Variants in SMARCAD1 observed in about 807,000 individuals in gnomAD.
The protein encoded by SMARCAD1 is SNF2 related chromatin remodeling ATPase with DExD box 1, also known as SWI/SNF-related matrix-associated actin-dependent regulator of chromatin subfamily A containing DEAD/H box 1.
In SMARCAD1, 25 loss-of-function variants were observed where a neutral mutation model predicts 127.1. The ratio of observed to expected loss-of-function variants is 0.20; its 90% CI spans 0.14 to 0.27. The LOEUF is 0.27. Ranked by LOEUF, SMARCAD1 falls within the 10% of genes least tolerant of loss-of-function variation. The probability of loss-of-function intolerance (pLI) is 1.00; values close to 1 mark genes in which losing one functional copy is unlikely to be tolerated. For synonymous variants in SMARCAD1, 400 were observed against 396.9 expected, an observed-to-expected ratio of 1.01 and a Z score of -0.09; for missense variants, 807 against 1,206.0, an observed-to-expected ratio of 0.67 and a Z score of 4.90.
rs962447748 is a variant in SMARCAD1 at position 94,236,077 on chromosome 4, G to A, written c.538-875G>A. 2.0e-5 allele frequency among the ~76,000 whole-genome samples: 3 copies of A among 152,070 alleles called. No homozygotes were observed. The East Asian group carries it at 5.8e-4, about 29-fold the overall frequency. On this transcript the variant is annotated intron_variant, in intron 4 of 23. Coordinates refer to ENST00000354268, the MANE Select transcript of SMARCAD1 (RefSeq NM_020159.5). The stretch of plus-strand genomic sequence containing the variant: ...CATGTAAAAGAATTCAAGAGGTTGT[G>A]AAATAGTTCTAAGCTTGCTAAGAAT...
At chr4:94,211,528 G>T (rs545357074) in intron 2 of SMARCAD1, among the ~76,000 whole-genome samples, 1 of 152,314 alleles carries the variant, frequency 6.6e-6, no homozygotes, top group Non-Finnish European at 1.5e-5. Context: ...GGATAATGCT[G>T]CGTTAGTTTA....
rs766190695 is a variant in SMARCAD1 at position 94,228,080 on chromosome 4, C to T, written c.368+1784C>T. ...AGTGTTGTAAGAAAGAGCAAGAGATCGGACTGTCTACTTCTGATAAGATGA... is the reference window on the plus strand; with the variant it reads ...AGTGTTGTAAGAAAGAGCAAGAGATTGGACTGTCTACTTCTGATAAGATGA... On this transcript the variant is annotated intron_variant, in intron 3 of 23. Coordinates refer to ENST00000354268, the MANE Select transcript of SMARCAD1 (RefSeq NM_020159.5). Among the ~76,000 whole-genome samples, 6 of 152,088 alleles carry T rather than the reference C, an allele frequency of 3.9e-5. No individual in the cohort carries two copies. The South Asian group carries it at 6.2e-4, about 16-fold the overall frequency.
chr4:94,258,030 A>T (rs1418541005), intron 9 of SMARCAD1, among the ~76,000 whole-genome samples: 6 of 147,294 alleles, frequency 4.1e-5, no homozygotes, highest in Admixed American at 6.7e-5. Context: ...CATGATTTTT[A>T]TTTTTTTCTC....
At chr4:94,274,702 G>A (rs1230673246) in intron 12 of SMARCAD1, 36 bp from the exon 13 acceptor site, 2 of 1,568,570 alleles carry the variant, frequency 1.3e-6, no homozygotes, top group African/African-American at 2.7e-5. Context: ...ATACCCTATT[G>A]TAGCAGATGC....
At chr4:94,286,667 T>G (rs1188216664) in intron 23 of SMARCAD1, among the ~76,000 whole-genome samples, 1 of 152,210 alleles carries the variant, frequency 6.6e-6, no homozygotes, top group East Asian at 1.9e-4. Flanking sequence ...TTTAATGGTA[T>G]TATGGGTGAT....
At chr4:94,213,718 A>G (rs936983923) in intron 2 of SMARCAD1, among the ~76,000 whole-genome samples, 1 of 152,204 alleles carries the variant, frequency 6.6e-6, no homozygotes, top group Non-Finnish European at 1.5e-5. Flanking sequence ...AGATAACTCA[A>G]ATGTTCCTTG....
chr4:94,278,254 AC>A (rs554440905), intron 16 of SMARCAD1, among the ~76,000 whole-genome samples, 167 bp from the exon 17 acceptor site: 42 of 152,342 alleles, frequency 2.8e-4, no homozygotes, highest in Admixed American at 6.5e-4. Context: ...TTCAAGAAGT[AC>A]ATGGCAGCCC....
chr4:94,247,126 G>C (rs539551761), intron 6 of SMARCAD1, among the ~76,000 whole-genome samples: 2 of 140,524 alleles, frequency 1.4e-5, no homozygotes, highest in East Asian at 4.4e-4. Flanking sequence ...TTATTGTTTT[G>C]ATTGAGAGGG....
chr4:94,265,875 A>T (rs530653753), intron 10 of SMARCAD1, among the ~76,000 whole-genome samples: 4 of 152,076 alleles, frequency 2.6e-5, no homozygotes, highest in Non-Finnish European at 5.9e-5. Flanking sequence ...TAAGATTAGC[A>T]GTAGGATCTC....
At chr4:94,246,113 A>AT (rs1246069636) in intron 6 of SMARCAD1, among the ~76,000 whole-genome samples, 1 of 145,894 alleles carries the variant, frequency 6.9e-6, no homozygotes, top group Non-Finnish European at 1.5e-5. Flanking sequence ...CATAACTGAC[A>AT]TTCTTTTTTT....
At chr4:94,217,315 A>G (rs1182720946) in intron 2 of SMARCAD1, among the ~76,000 whole-genome samples, 2 of 152,178 alleles carry the variant, frequency 1.3e-5, no homozygotes, top group Non-Finnish European at 2.9e-5. Context: ...TGTCATCATT[A>G]TAGTCTAAAA....
At chr4:94,209,059 C>A (rs1741751801) in intron 2 of SMARCAD1, among the ~76,000 whole-genome samples, 1 of 152,186 alleles carries the variant, frequency 6.6e-6, no homozygotes, top group Non-Finnish European at 1.5e-5. Context: ...CACCTGACTT[C>A]CTGGATGTCC....
At chr4:94,284,850 A>G (rs1754705986) in intron 22 of SMARCAD1, 110 bp from the exon 23 acceptor site, 4 of 715,712 alleles carry the variant, frequency 5.6e-6, no homozygotes, top group Non-Finnish European at 4.7e-6. Context: ...ATTTAAGGAT[A>G]TGTTTGTCGT....
In SMARCAD1 at chr4:94,291,249, G is replaced by A; in HGVS notation, c.*1715G>A. 2.2e-6 allele frequency: 1 copy of A among 453,622 alleles called. No individual in the cohort carries two copies. Among genetic ancestry groups the A allele is most frequent in the Non-Finnish European group, 4.4e-6 (1 of 226,668 alleles). The allele number at this position is 453,622 out of a possible 1,614,324, so 28.1% of individuals were successfully genotyped here. ...AATGTAGTTGGGTTCTTCCTGTAAT[G>A]CGCTATTATGTCTTGGGCTTAATAA... is the stretch of plus-strand genomic sequence containing the variant. On this transcript the variant is annotated 3_prime_UTR_variant, in exon 24 of 24. Transcript: ENST00000354268.
intron 2 of SMARCAD1, among the ~76,000 whole-genome samples, chr4:94,221,016 A>G (rs979536667): frequency 2.6e-5 from 4 of 152,230 alleles, no homozygotes; most frequent in African/African-American, 9.6e-5. Flanking sequence ...AAGTATGGTT[A>G]TACAAACTTA....
chr4:94,234,900 A>G (rs1342869001), intron 4 of SMARCAD1, among the ~76,000 whole-genome samples: 2 of 152,176 alleles, frequency 1.3e-5, no homozygotes, highest in African/African-American at 4.8e-5. Flanking sequence ...GGTAGAGACT[A>G]GTATACTATA....
intron 5 of SMARCAD1, 90 bp downstream of exon 5, chr4:94,237,108 A>G (rs1038506976): frequency 1.1e-5 from 12 of 1,059,552 alleles, no homozygotes; most frequent in African/African-American, 3.1e-5. Context: ...CAGTTTATCA[A>G]ACACCTTTAT....
In SMARCAD1 at chr4:94,291,185, T is replaced by C. The variant is rs1560578074; in HGVS notation, c.*1651T>C. On this transcript the variant is annotated 3_prime_UTR_variant, in exon 24 of 24. Transcript: ENST00000354268. Reference sequence around the variant, plus strand: ...TAGGCTGTTTCTTTTTTTGTTGTTATTGTTGTTGTTGTTATATCCATACTT... The same window carrying C: ...TAGGCTGTTTCTTTTTTTGTTGTTACTGTTGTTGTTGTTATATCCATACTT... 7 of 451,022 alleles carry C rather than the reference T, an allele frequency of 1.6e-5. No individual in the cohort carries two copies. The highest frequency in any genetic ancestry group is 7.8e-5 in the South Asian group (5 of 63,802). The allele number at this position is 451,022 out of a possible 1,614,324, so 27.9% of individuals were successfully genotyped here. A position where few individuals can be genotyped will look rare whatever the true frequency, so the allele number is the denominator to read the frequency against.
chr4:94,279,092 G>A (rs1753671005), intron 19 of SMARCAD1, 42 bp downstream of exon 19: 1 of 1,612,190 alleles, frequency 6.2e-7, no homozygotes, highest in Admixed American at 1.7e-5. Context: ...TTTAATAAGA[G>A]GTTAAGTTGT....
Sources: allele counts gnomAD v4.1 joint callset (sites outside exome capture counted in the v4.1 genomes callset), GRCh38; gene constraint gnomAD v4.1.1; transcripts MANE v1.5; gene names NCBI Gene and HGNC (gene_info 2026-07-23, HGNC 2026-07-21).